Variants in CTNNA1 observed in about 807,000 individuals in gnomAD.
CTNNA1 encodes the protein catenin alpha-1.
In CTNNA1, 37 loss-of-function variants were observed where a neutral mutation model predicts 98.4. That is an observed-to-expected ratio of 0.38 (90% CI 0.29 to 0.49). CTNNA1 has a LOEUF of 0.49. Ranked by LOEUF, CTNNA1 falls within the 20% of genes least tolerant of loss-of-function variation. The probability of loss-of-function intolerance (pLI) is 0.95; values close to 1 mark genes in which losing one functional copy is unlikely to be tolerated. For missense variants in CTNNA1, 761 were observed against 1,147.2 expected (o/e 0.66, Z 4.86); for synonymous variants, 404 against 413.2 (o/e 0.98, Z 0.27).
intron 1 of CTNNA1, among the ~76,000 whole-genome samples, chr5:138,770,427 A>G (rs1041279282): frequency 6.6e-6 from 1 of 152,178 alleles, no homozygotes; most frequent in African/African-American, 2.4e-5. Flanking sequence ...GAACATAGAT[A>G]TCCAGTCCAT....
chr5:138,931,288 G>A lies in CTNNA1; in HGVS notation c.2298+353G>A, dbSNP rs1765258491. ...CAGGTTTCTTCATCCTCAGCACTGTGTTTCTCAGCCACCCCGTCTTCATCC... is the reference window on the plus strand; with the variant it reads ...CAGGTTTCTTCATCCTCAGCACTGTATTTCTCAGCCACCCCGTCTTCATCC... On this transcript the variant is annotated intron_variant, in intron 16 of 17. Coordinates refer to ENST00000302763, the MANE Select transcript of CTNNA1 (RefSeq NM_001903.5). Among the ~76,000 whole-genome samples the A allele has an allele frequency of 2.6e-5, 4 of 152,336 alleles. No homozygotes were observed. In the South Asian group the frequency reaches 6.2e-4, roughly 24 times the overall value.
chr5:138,845,495 T>G (rs994442953), intron 7 of CTNNA1, among the ~76,000 whole-genome samples: 4 of 152,244 alleles, frequency 2.6e-5, no homozygotes, highest in African/African-American at 7.2e-5. Context: ...GGGTGGTTAC[T>G]GTTTGTCACG....
rs148195958 is a variant in CTNNA1, at chr5:138,850,353, A to C, written c.1062+22635A>C. Among the ~76,000 whole-genome samples the C allele has an allele frequency of 4.0e-3, 606 of 152,322 alleles. 8 individuals are homozygous for C. The highest frequency in any genetic ancestry group is 0.013 in the African/African-American group (530 of 41,578). On this transcript the variant is annotated intron_variant, in intron 7 of 17. Coordinates refer to ENST00000302763, the MANE Select transcript of CTNNA1 (RefSeq NM_001903.5). Reference sequence around the variant, plus strand: ...TTGCAATGAACTCTATGAAGCTCACATGTCTAGAATATAATCACTTTGGCT... The same window carrying C: ...TTGCAATGAACTCTATGAAGCTCACCTGTCTAGAATATAATCACTTTGGCT...
In CTNNA1 at chr5:138,874,857, A is replaced by G. The variant is rs1240356900; in HGVS notation, c.1063-11355A>G. 5 of 1,546,854 alleles carry G rather than the reference A, an allele frequency of 3.2e-6. No individual in the cohort carries two copies. In the African/African-American group the frequency reaches 4.1e-5, roughly 13 times the overall value. On this transcript the variant is annotated intron_variant, in intron 7 of 17. Transcript: ENST00000302763. This position sits in a 1 kb window ranked among gnomAD's most constrained non-coding sequence, Gnocchi z 4.1. ...AATGTGAATTCGGTAGCTTATTTTA[A>G]AAGCGTGATTCCTTGTTGAATGTAC...
intron 3 of CTNNA1, among the ~76,000 whole-genome samples, chr5:138,794,352 T>A (rs368234719): frequency 3.3e-4 from 49 of 148,142 alleles, no homozygotes; most frequent in African/African-American, 1.2e-3. Context: ...TGTGTGGATT[T>A]AAAAAAAAAA....
Position 138,827,722 on chromosome 5 carries a change from A to G in CTNNA1, c.1062+4A>G. 1.2e-6 allele frequency: 2 copies of G among 1,613,848 alleles called. No homozygotes were observed. Among genetic ancestry groups the G allele is most frequent in the Admixed American group, 3.3e-5 (2 of 60,018 alleles). ...GCTTTCGGAGTACATGGGCAATGTG[A>G]GTTTGACAGCTTTTCTTTGAAGTAA... On this transcript the variant is annotated splice_donor_region_variant and intron_variant, in intron 7 of 17. Transcript: ENST00000302763.
intron 7 of CTNNA1, among the ~76,000 whole-genome samples, chr5:138,882,133 A>G (rs889981225): frequency 2.0e-5 from 3 of 152,202 alleles, no homozygotes; most frequent in African/African-American, 7.2e-5. Context: ...ATCCTAAGGT[A>G]TGATTTGAGA....
At position 138,873,942 on chromosome 5, in the gene CTNNA1, G is replaced by T. The variant is rs1344852012; in HGVS notation, c.1063-12270G>T. ...TTGTGCTCTAGGTGAAGCTCTCTCA[G>T]TTTAATTAATCCTGCAAATCCATTG... On this transcript the variant is annotated intron_variant, in intron 7 of 17. Coordinates refer to ENST00000302763, the MANE Select transcript of CTNNA1 (RefSeq NM_001903.5). The surrounding 1 kb of genome is among the most constrained non-coding windows in gnomAD (Gnocchi z 6.1). 1 of 1,614,020 alleles carries T rather than the reference G, an allele frequency of 6.2e-7. No individual in the cohort carries two copies. The highest frequency in any genetic ancestry group is 1.1e-5 in the South Asian group (1 of 91,086).
At chr5:138,810,294 T>A (rs1384779022) in intron 4 of CTNNA1, 90 bp downstream of exon 4, 2 of 1,471,986 alleles carry the variant, frequency 1.4e-6, no homozygotes, top group Admixed American at 3.8e-5. Context: ...AGGATTTAGT[T>A]TGGTTTTGAA....
intron 5 of CTNNA1, among the ~76,000 whole-genome samples, chr5:138,816,065 C>A (rs1230214097): frequency 6.6e-6 from 1 of 152,158 alleles, no homozygotes; most frequent in Non-Finnish European, 1.5e-5. Flanking sequence ...CTTTGGCTAC[C>A]CACCTCTCCG....
chr5:138,827,474 A>AC, intron 6 of CTNNA1, 41 bp from the exon 7 acceptor site: 10 of 1,598,048 alleles, frequency 6.3e-6, no homozygotes, highest in Non-Finnish European at 7.7e-6. Context: ...AAAGAAGGGA[A>AC]CAGAGATGAG....
chr5:138,934,132 T>G lies in CTNNA1; in HGVS notation c.*43T>G. ...GCCCCCACCCCTCGGGGCTCCTGAA[T>G]ATCAGTCACTGTTCGTCACTCAAAT... is the stretch of plus-strand genomic sequence containing the variant. On this transcript the variant is annotated 3_prime_UTR_variant, in exon 18 of 18. Coordinates refer to ENST00000302763, the MANE Select transcript of CTNNA1 (RefSeq NM_001903.5). 1 of 1,456,852 alleles carries G rather than the reference T, an allele frequency of 6.9e-7. No homozygotes were observed. The allele number at this position is 1,456,852 out of a possible 1,614,324, so 90.2% of individuals were successfully genotyped here.
intron 7 of CTNNA1, among the ~76,000 whole-genome samples, chr5:138,875,894 CG>C (rs1200398389): frequency 6.6e-6 from 1 of 152,000 alleles, no homozygotes; most frequent in Non-Finnish European, 1.5e-5. Context: ...ACATTATAAA[CG>C]AAGAATAAAG....
intron 7 of CTNNA1, among the ~76,000 whole-genome samples, chr5:138,860,858 A>G (rs1256305537): frequency 6.6e-6 from 1 of 152,190 alleles, no homozygotes; most frequent in Non-Finnish European, 1.5e-5. Flanking sequence ...TGCAGGGTCT[A>G]TCAGGAGAGA....
At chr5:138,847,116 C>CA (rs1214853894) in intron 7 of CTNNA1, among the ~76,000 whole-genome samples, 8 of 151,746 alleles carry the variant, frequency 5.3e-5, no homozygotes, top group Non-Finnish European at 1.0e-4. Flanking sequence ...GAAGGAATTG[C>CA]AAAAAAAGAT....
chr5:138,824,915 T>A, intron 6 of CTNNA1, 116 bp downstream of exon 6: 1 of 917,526 alleles, frequency 1.1e-6, no homozygotes, highest in Non-Finnish European at 1.7e-6. Context: ...CTTAGATCTT[T>A]AATCTAAGTC....
At chr5:138,779,717 G>T (rs112891070) in intron 1 of CTNNA1, among the ~76,000 whole-genome samples, 1,319 of 74,342 alleles carry the variant, frequency 0.018, 27 homozygotes, top group African/African-American at 0.047. Flanking sequence ...GTTTTTTTTT[G>T]TTTTTGTTTT....
chr5:138,804,661 C>A (rs1008342286), intron 3 of CTNNA1, among the ~76,000 whole-genome samples: 4 of 152,104 alleles, frequency 2.6e-5, no homozygotes, highest in Non-Finnish European at 4.4e-5. Context: ...TGGATAATGC[C>A]ACATTTTGTA....
intron 1 of CTNNA1, among the ~76,000 whole-genome samples, chr5:138,769,593 T>C (rs1753308220): frequency 6.6e-6 from 1 of 151,716 alleles, no homozygotes; most frequent in East Asian, 1.9e-4. Flanking sequence ...AGTGCAATGG[T>C]GCGATCTTGG....
Sources: allele counts gnomAD v4.1 joint callset (sites outside exome capture counted in the v4.1 genomes callset), GRCh38; gene constraint gnomAD v4.1.1; non-coding constraint Gnocchi (gnomAD v3.1); transcripts MANE v1.5; gene names NCBI Gene and HGNC (gene_info 2026-07-23, HGNC 2026-07-21).